The following ATP11A variants were observed in gnomAD, a reference collection of about 807,000 sequenced individuals.
The protein encoded by ATP11A is phospholipid-transporting ATPase IH.
Under a neutral mutation model 154.4 loss-of-function variants are expected in ATP11A, and 81 were observed. The observed-to-expected ratio is 0.52, with a 90% confidence interval of 0.44 to 0.63. ATP11A has a LOEUF of 0.63. Among genes scored for constraint, ATP11A ranks in the 30% least tolerant of loss-of-function variants. The pLI, the probability that ATP11A is intolerant of heterozygous loss-of-function variation, is 0.00. For missense variants in ATP11A, 1,316 were observed against 1,474.3 expected (o/e 0.89, Z 1.76); for synonymous variants, 623 against 585.9 (o/e 1.06, Z -0.91).
rs1566582701 is a variant in ATP11A, at chr13:112,859,577, G to A, written c.2727+125G>A. On this transcript the variant is annotated intron_variant, in intron 23 of 29. Coordinates refer to ENST00000375645, the MANE Select transcript of ATP11A (RefSeq NM_015205.3). The surrounding 1 kb of genome is among the most constrained non-coding windows in gnomAD (Gnocchi z 4.3). Reference sequence around the variant, plus strand: ...CTCCCCGGCACCACGAGGGAGCCAGGGTGCCCAGCAGCAGGCGGGGGTGAA... The same window carrying A: ...CTCCCCGGCACCACGAGGGAGCCAGAGTGCCCAGCAGCAGGCGGGGGTGAA... 8.2e-6 allele frequency: 7 copies of A among 851,882 alleles called. No homozygotes were observed. Among genetic ancestry groups the A allele is most frequent in the South Asian group, 5.5e-5 (4 of 72,230 alleles). The allele number at this position is 851,882 out of a possible 1,614,324, so 52.8% of individuals were successfully genotyped here.
In ATP11A at chr13:112,727,560, A is replaced by T. The variant is rs76221091; in HGVS notation, c.39+37105A>T. Reference sequence around the variant, plus strand: ...AGCAGTCTCTTTCCAAAAAAAAAAAAGATAAATGCCACAGGTGACTCTAGA... The same window carrying T: ...AGCAGTCTCTTTCCAAAAAAAAAAATGATAAATGCCACAGGTGACTCTAGA... On this transcript the variant is annotated intron_variant, in intron 1 of 29. Coordinates refer to ENST00000375645, the MANE Select transcript of ATP11A (RefSeq NM_015205.3). Among the ~76,000 whole-genome samples, 955 of 152,062 alleles carry T rather than the reference A, an allele frequency of 6.3e-3. 10 individuals are homozygous for T. The highest frequency in any genetic ancestry group is 0.022 in the African/African-American group (921 of 41,500).
chr13:112,745,169 A>G (rs1383979505), intron 1 of ATP11A, among the ~76,000 whole-genome samples: 4 of 152,096 alleles, frequency 2.6e-5, no homozygotes, highest in East Asian at 1.9e-4. Context: ...GGTTCAAGCA[A>G]TTCTCCTGCC....
In ATP11A at chr13:112,871,812, C is replaced by T. The variant is rs370569880; in HGVS notation, c.3057+12C>T. On this transcript the variant is annotated intron_variant, in intron 26 of 29. Transcript: ENST00000375645. ...CAGTTACACTAAAGGTAAGTGGTCT[C>T]GCGCTCACGTTCCTCCCCCAGCCAC... 10 of 1,613,214 alleles carry T rather than the reference C, an allele frequency of 6.2e-6. No individual in the cohort carries two copies. Among genetic ancestry groups the T allele is most frequent in the South Asian group, 1.1e-5 (1 of 91,076 alleles).
In ATP11A at chr13:112,883,685, A is replaced by G. The variant is rs1023215888; in HGVS notation, c.*1819A>G. ...GGTAGCGAGCAACTGGCTTGAGCAG[A>G]CAGAACGGGGAAGACTCCACTCTGT... On this transcript the variant is annotated 3_prime_UTR_variant, in exon 30 of 30. Transcript: ENST00000375645. The G allele has an allele frequency of 1.6e-4, 25 of 152,860 alleles. No individual in the cohort carries two copies. Among genetic ancestry groups the G allele is most frequent in the African/African-American group, 3.8e-4 (16 of 41,592 alleles). 9.5% of individuals were successfully genotyped at this position (152,860 alleles called of 1,614,324 possible).
intron 19 of ATP11A, among the ~76,000 whole-genome samples, chr13:112,854,781 G>C (rs17708252): frequency 0.029 from 4,386 of 152,276 alleles, 110 homozygotes; most frequent in Non-Finnish European, 0.04. Flanking sequence ...CACACTGCCG[G>C]CTAACAGATG....
chr13:112,756,205 AACTT>A (rs1388920840), intron 1 of ATP11A, among the ~76,000 whole-genome samples: 1 of 152,256 alleles, frequency 6.6e-6, no homozygotes, highest in Non-Finnish European at 1.5e-5. Flanking sequence ...AATTAAATAA[AACTT>A]AGTCTGTGAA....
At chr13:112,812,420 G>A (rs992421858) in intron 5 of ATP11A, among the ~76,000 whole-genome samples, 7 of 152,302 alleles carry the variant, frequency 4.6e-5, no homozygotes, top group East Asian at 3.9e-4. Context: ...CAGCTGAGCC[G>A]TAGGAGGTTT....
chr13:112,690,286 C>A lies in ATP11A; in HGVS notation c.-131C>A. The A allele has an allele frequency of 1.8e-6, 1 of 562,100 alleles. No individual in the cohort carries two copies. The highest frequency in any genetic ancestry group is 2.3e-6 in the Non-Finnish European group (1 of 427,238). 34.8% of individuals were successfully genotyped at this position (562,100 alleles called of 1,614,324 possible). A position where few individuals can be genotyped will look rare whatever the true frequency, so the allele number is the denominator to read the frequency against. ...AGCGCGGAGGGGCCGCGGCCGCCCC[C>A]TGCACCGCCCGGCGCGCCGAGGCCG... On this transcript the variant is annotated 5_prime_UTR_variant, in exon 1 of 30. The change creates a new upstream start codon in the 5' untranslated region. Coordinates refer to ENST00000375645, the MANE Select transcript of ATP11A (RefSeq NM_015205.3). This position sits in a 1 kb window ranked among gnomAD's most constrained non-coding sequence, Gnocchi z 5.6.
At position 112,859,120 on chromosome 13, in the gene ATP11A, G is replaced by T; in HGVS notation, c.2668-273G>T. ...TCACTGTGCAGTTCGATTCTTTCCCGTTTATACTGATACCTGCATTGCCTT... is the reference window on the plus strand; with the variant it reads ...TCACTGTGCAGTTCGATTCTTTCCCTTTTATACTGATACCTGCATTGCCTT... On this transcript the variant is annotated intron_variant, in intron 22 of 29. Transcript: ENST00000375645. The surrounding 1 kb of genome is among the most constrained non-coding windows in gnomAD (Gnocchi z 4.3). 2.2e-6 allele frequency: 1 copy of T among 453,992 alleles called. No individual in the cohort carries two copies. Among genetic ancestry groups the T allele is most frequent in the Non-Finnish European group, 4.1e-6 (1 of 245,076 alleles). 28.1% of individuals were successfully genotyped at this position (453,992 alleles called of 1,614,324 possible). A position where few individuals can be genotyped will look rare whatever the true frequency, so the allele number is the denominator to read the frequency against.
chr13:112,864,508 C>A (rs377088334), intron 25 of ATP11A, among the ~76,000 whole-genome samples: 35 of 68,380 alleles, frequency 5.1e-4, no homozygotes, highest in South Asian at 1.1e-3. Flanking sequence ...TCAGTGCAGC[C>A]CGTGCAGCTT....
At position 112,809,097 on chromosome 13, in the gene ATP11A, G is replaced by A. The variant is rs187456268; in HGVS notation, c.334-1522G>A. Among the ~76,000 whole-genome samples the A allele has an allele frequency of 3.1e-4, 47 of 152,282 alleles. No homozygotes were observed. The East Asian group carries it at 6.6e-3, about 21-fold the overall frequency. ...AGCAGCTCTGGGGACAAGGTCTTTC[G>A]TCTGTGGGCCCCTGGTGCCTGGCAC... On this transcript the variant is annotated intron_variant, in intron 4 of 29. Coordinates refer to ENST00000375645, the MANE Select transcript of ATP11A (RefSeq NM_015205.3).
intron 14 of ATP11A, among the ~76,000 whole-genome samples, chr13:112,833,581 C>T (rs893054197): frequency 1.3e-5 from 2 of 152,200 alleles, no homozygotes; most frequent in Non-Finnish European, 2.9e-5. Flanking sequence ...CTGAACCTCC[C>T]CTCCCCAAAA....
intron 19 of ATP11A, among the ~76,000 whole-genome samples, chr13:112,855,402 T>G (rs1477781578): frequency 6.6e-6 from 1 of 152,202 alleles, no homozygotes; most frequent in Non-Finnish European, 1.5e-5. Context: ...GGTTTTGAAC[T>G]CCTGACCTCA....
chr13:112,742,752 CAG>C (rs1267807560), intron 1 of ATP11A, among the ~76,000 whole-genome samples: 1 of 152,206 alleles, frequency 6.6e-6, no homozygotes, highest in African/African-American at 2.4e-5. Flanking sequence ...GGCTGGATCT[CAG>C]GGGGCTCGGA....
At chr13:112,693,792 A>G (rs1885476976) in intron 1 of ATP11A, among the ~76,000 whole-genome samples, 1 of 151,702 alleles carries the variant, frequency 6.6e-6, no homozygotes, top group Non-Finnish European at 1.5e-5. Context: ...TCTCTACTAA[A>G]AATACAAAAA....
rs1393329366 is a variant in ATP11A, at chr13:112,875,458, A to T, written c.3162-318A>T. ...ATCCGAGACTTCAAGATAGAAAAACATCCCTATTTCAATCCCTTTGTGTTT... is the reference window on the plus strand; with the variant it reads ...ATCCGAGACTTCAAGATAGAAAAACTTCCCTATTTCAATCCCTTTGTGTTT... On this transcript the variant is annotated intron_variant, in intron 27 of 29. Transcript: ENST00000375645. This position sits in a 1 kb window ranked among gnomAD's most constrained non-coding sequence, Gnocchi z 4.1. 6.7e-6 allele frequency among the ~76,000 whole-genome samples: 1 copy of T among 148,834 alleles called. No homozygotes were observed. The highest frequency in any genetic ancestry group is 2.1e-4 in the South Asian group (1 of 4,672).
intron 25 of ATP11A, among the ~76,000 whole-genome samples, chr13:112,869,206 C>T (rs2080433358): frequency 6.6e-6 from 1 of 152,206 alleles, no homozygotes; most frequent in Non-Finnish European, 1.5e-5. Flanking sequence ...GACTAGCTTC[C>T]AAAGGACGTG....
At chr13:112,692,198 C>T (rs913297410) in intron 1 of ATP11A, among the ~76,000 whole-genome samples, 13 of 152,218 alleles carry the variant, frequency 8.5e-5, no homozygotes, top group African/African-American at 2.9e-4. Context: ...GCTTTGTTTC[C>T]TTCGAGCGAA....
At chr13:112,858,026 A>T (rs1009351692) in intron 21 of ATP11A, 106 bp downstream of exon 21, 47 of 1,557,604 alleles carry the variant, frequency 3.0e-5, no homozygotes, top group Non-Finnish European at 3.2e-5. Context: ...CCCCGTCACC[A>T]CCCTCGTGTG....
Sources: allele counts gnomAD v4.1 joint callset (sites outside exome capture counted in the v4.1 genomes callset), GRCh38; gene constraint gnomAD v4.1.1; non-coding constraint Gnocchi (gnomAD v3.1); transcripts MANE v1.5; gene names NCBI Gene and HGNC (gene_info 2026-07-23, HGNC 2026-07-21).